LINGO2: variants seen among roughly 807,000 people sequenced by gnomAD.
LINGO2 encodes the protein leucine-rich repeat and immunoglobulin-like domain-containing nogo receptor-interacting protein 2.
In LINGO2, 14 loss-of-function variants were observed where a neutral mutation model predicts 30.6. The observed-to-expected ratio is 0.46, with a 90% confidence interval of 0.30 to 0.72. The LOEUF is 0.72. LINGO2 is among the 30% of genes least tolerant of loss of function. The probability of loss-of-function intolerance (pLI) is 0.07; values close to 1 mark genes in which losing one functional copy is unlikely to be tolerated. For missense variants in LINGO2, 729 were observed against 751.7 expected (o/e 0.97, Z 0.35); for synonymous variants, 317 against 288.5 (o/e 1.10, Z -1.00).
intron 1 of LINGO2, among the ~76,000 whole-genome samples, chr9:28,515,740 A>G (rs1037315562): frequency 2.0e-5 from 3 of 152,192 alleles, no homozygotes; most frequent in African/African-American, 7.2e-5. Context: ...TGAAATGACA[A>G]CAAAGGATTT....
the LINGO2 span, among the ~76,000 whole-genome samples, chr9:28,724,927 G>C: frequency 2.0e-5 from 3 of 151,796 alleles, no homozygotes; most frequent in African/African-American, 7.3e-5. Flanking sequence ...AATAGAAATG[G>C]GTTCCAAAGA....
intron 4 of LINGO2, among the ~76,000 whole-genome samples, chr9:28,067,347 T>C (rs1390832100): frequency 6.6e-6 from 1 of 152,156 alleles, no homozygotes. Context: ...TAGTATAGCA[T>C]TTTATAAAAT....
chr9:27,979,202 G>C (rs1328080189), intron 5 of LINGO2, among the ~76,000 whole-genome samples: 1 of 151,982 alleles, frequency 6.6e-6, no homozygotes, highest in Non-Finnish European at 1.5e-5. Context: ...GAGTGTGTGG[G>C]CTCACAAGGA....
intron 4 of LINGO2, among the ~76,000 whole-genome samples, chr9:28,072,491 C>G (rs1445665197): frequency 6.6e-6 from 1 of 152,192 alleles, no homozygotes; most frequent in Non-Finnish European, 1.5e-5. Context: ...TCTTGATGAA[C>G]TATTTCAGCT....
At chr9:28,353,249 C>G (rs1236303580) in intron 3 of LINGO2, among the ~76,000 whole-genome samples, 2 of 136,404 alleles carry the variant, frequency 1.5e-5, no homozygotes, top group East Asian at 4.1e-4. Context: ...TCGCAACCTA[C>G]TCATCTGACA....
At chr9:29,073,207 T>C in the LINGO2 span, among the ~76,000 whole-genome samples, 1 of 152,178 alleles carries the variant, frequency 6.6e-6, no homozygotes, top group Non-Finnish European at 1.5e-5. Context: ...TCCATGCTCT[T>C]TTCCTTAATT....
chr9:28,948,260 T>C, the LINGO2 span, among the ~76,000 whole-genome samples: 1 of 152,094 alleles, frequency 6.6e-6, no homozygotes, highest in African/African-American at 2.4e-5. Flanking sequence ...TTTGAATATA[T>C]AGCTTTTCTC....
chr9:28,707,539 G>A, the LINGO2 span, among the ~76,000 whole-genome samples: 1 of 152,052 alleles, frequency 6.6e-6, no homozygotes, highest in Non-Finnish European at 1.5e-5. Flanking sequence ...AAACCTCAAG[G>A]AGCACTAGAA....
chr9:28,392,056 A>G (rs1420152008), intron 2 of LINGO2, among the ~76,000 whole-genome samples: 2 of 152,130 alleles, frequency 1.3e-5, no homozygotes, highest in African/African-American at 4.8e-5. Context: ...TAGAAAAATT[A>G]GCGGGGCGTG....
the LINGO2 span, among the ~76,000 whole-genome samples, chr9:29,014,632 T>G: frequency 6.6e-6 from 1 of 152,162 alleles, no homozygotes; most frequent in African/African-American, 2.4e-5. Flanking sequence ...CAAATCCTAG[T>G]CAAATGCTGA....
At chr9:28,736,075 T>A in the LINGO2 span, among the ~76,000 whole-genome samples, 1 of 152,184 alleles carries the variant, frequency 6.6e-6, no homozygotes, top group African/African-American at 2.4e-5. Context: ...TTGTCTCAGC[T>A]TGTCTCAGGA....
intron 5 of LINGO2, among the ~76,000 whole-genome samples, chr9:27,991,118 A>T (rs1821376592): frequency 6.6e-6 from 1 of 152,024 alleles, no homozygotes; most frequent in African/African-American, 2.4e-5. Flanking sequence ...AATCAAGGAA[A>T]AATTACACAA....
At chr9:28,957,127 T>C in the LINGO2 span, among the ~76,000 whole-genome samples, 1 of 152,040 alleles carries the variant, frequency 6.6e-6, no homozygotes, top group Non-Finnish European at 1.5e-5. Context: ...TTGAGGGCCA[T>C]GGAGAATAGC....
chr9:29,161,686 T>C, the LINGO2 span, among the ~76,000 whole-genome samples: 7 of 152,242 alleles, frequency 4.6e-5, no homozygotes, highest in Middle Eastern at 0.01. Flanking sequence ...ATACTGCTGA[T>C]CTAGGAATAA....
chr9:28,721,383 A>G, the LINGO2 span, among the ~76,000 whole-genome samples: 6 of 152,196 alleles, frequency 3.9e-5, no homozygotes, highest in Admixed American at 2.6e-4. Context: ...AGCACTATCA[A>G]CAATAGCAAA....
At chr9:28,529,770 C>T (rs1042521510) in intron 1 of LINGO2, among the ~76,000 whole-genome samples, 11 of 151,830 alleles carry the variant, frequency 7.2e-5, no homozygotes, top group Non-Finnish European at 2.9e-5. Context: ...CCAGTTCTTT[C>T]CCAGGTTTAC....
chr9:28,521,658 C>T (rs1820833503), intron 1 of LINGO2, among the ~76,000 whole-genome samples: 1 of 152,122 alleles, frequency 6.6e-6, no homozygotes, highest in African/African-American at 2.4e-5. Flanking sequence ...GGGGTGTATG[C>T]AGGTGCACTG....
At chr9:28,293,231 G>A (rs1245580181) in intron 4 of LINGO2, among the ~76,000 whole-genome samples, 1 of 151,908 alleles carries the variant, frequency 6.6e-6, no homozygotes, top group African/African-American at 2.4e-5. Context: ...CTAAGTAGCT[G>A]GAACTACAAG....
intron 4 of LINGO2, among the ~76,000 whole-genome samples, chr9:28,169,641 C>T (rs919910532): frequency 1.3e-5 from 2 of 152,098 alleles, no homozygotes; most frequent in Non-Finnish European, 2.9e-5. Flanking sequence ...TGGAGATTAA[C>T]ATTTATTGAA....
Sources: gnomAD v4.1 joint callset for allele counts (sites outside exome capture counted in the v4.1 genomes callset) on GRCh38, gnomAD v4.1.1 for gene constraint, MANE v1.5 for transcripts, NCBI Gene and HGNC (gene_info 2026-07-23, HGNC 2026-07-21) for gene names.